CPOX: variants seen among roughly 807,000 people sequenced by gnomAD.
The protein encoded by CPOX is oxygen-dependent coproporphyrinogen-III oxidase, mitochondrial.
In CPOX, 24 loss-of-function variants were observed where a neutral mutation model predicts 48.9. The ratio of observed to expected loss-of-function variants is 0.49; its 90% confidence interval spans 0.36 to 0.69. The LOEUF (loss-of-function observed/expected upper bound fraction) is 0.69. Ranked by LOEUF, CPOX falls within the 30% of genes least tolerant of loss-of-function variation. CPOX has a pLI of 0.00. For missense variants in CPOX, 549 were observed against 597.3 expected, an observed-to-expected ratio of 0.92 and a Z score of 0.84; for synonymous variants, 249 against 234.6, an observed-to-expected ratio of 1.06 and a Z score of -0.56.
downstream of CPOX, among the ~76,000 whole-genome samples, chr3:98,575,034 G>T (rs1264603172): frequency 6.6e-6 from 1 of 152,182 alleles, no homozygotes; most frequent in East Asian, 1.9e-4. Flanking sequence ...GATTCTAAAA[G>T]CCTGTCTCCC....
chr3:98,572,876 A>C, the CPOX span, among the ~76,000 whole-genome samples: 7 of 152,318 alleles, frequency 4.6e-5, no homozygotes, highest in Admixed American at 2.0e-4. Flanking sequence ...TTGAATAAGC[A>C]ATTTTTCAAT....
chr3:98,581,032 C>A (rs1707249174), intron 6 of CPOX, among the ~76,000 whole-genome samples: 1 of 152,054 alleles, frequency 6.6e-6, no homozygotes, highest in Non-Finnish European at 1.5e-5. Flanking sequence ...TTAATATAAA[C>A]CAGGGTTTCA....
intron 5 of CPOX, 125 bp downstream of exon 5, chr3:98,585,315 AT>A (rs1405374692): frequency 1.2e-6 from 1 of 804,252 alleles, no homozygotes; most frequent in East Asian, 2.4e-5. Flanking sequence ...TTCACTTAAT[AT>A]TCATCTATGA....
downstream of CPOX, among the ~76,000 whole-genome samples, chr3:98,576,212 G>A (rs1052398773): frequency 2.0e-5 from 3 of 152,006 alleles, no homozygotes; most frequent in African/African-American, 7.3e-5. Flanking sequence ...TCATAGTTCA[G>A]CATGGCTGGG....
chr3:98,570,886 T>C, the CPOX span, among the ~76,000 whole-genome samples: 1 of 152,228 alleles, frequency 6.6e-6, no homozygotes, highest in African/African-American at 2.4e-5. Context: ...TTTTATCACT[T>C]ATGTGTATCT....
intron 5 of CPOX, among the ~76,000 whole-genome samples, chr3:98,582,848 G>A (rs1707286599): frequency 6.6e-6 from 1 of 152,156 alleles, no homozygotes; most frequent in Admixed American, 6.5e-5. Context: ...CAAAAGCCCT[G>A]CAAAAGTGTA....
intron 1 of CPOX, among the ~76,000 whole-genome samples, 154 bp downstream of exon 1, chr3:98,592,795 T>C (rs1405693167): frequency 6.6e-6 from 1 of 152,156 alleles, no homozygotes; most frequent in African/African-American, 2.4e-5. Context: ...TTCGTGTCCA[T>C]CTTTTTATCA....
chr3:98,578,002 A>G (rs1707187525), downstream of CPOX, among the ~76,000 whole-genome samples: 1 of 152,178 alleles, frequency 6.6e-6, no homozygotes, highest in South Asian at 2.1e-4. Flanking sequence ...TGATGAACAG[A>G]AAATAGTGGT....
In CPOX at chr3:98,580,776, C is replaced by A. The variant is rs1304794253; in HGVS notation, c.1278-6G>T. 6.8e-6 allele frequency: 11 copies of A among 1,613,392 alleles called. No homozygotes were observed. The highest frequency in any genetic ancestry group is 2.7e-5 in the African/African-American group (2 of 74,798). ...GTGAATGCATGTACTCCCATCTATG[C>A]ATGTCCAAAACAAAAGCAAAAAACG... On this transcript the variant is annotated splice_region_variant and splice_polypyrimidine_tract_variant and intron_variant, in intron 6 of 6. Transcript: ENST00000647941.
rs1559679227 is a variant in CPOX, at chr3:98,591,046, CATTTG to C, written c.661_665del (p.Gln221GlufsTer10). The C allele has an allele frequency of 1.9e-6, 3 of 1,614,158 alleles. No individual in the cohort carries two copies. Among genetic ancestry groups the C allele is most frequent in the Non-Finnish European group, 2.5e-6 (3 of 1,180,016 alleles). ...TCTTCAGAACTTTTCCTCTGCTTCT[CATTTG>C]TTTTGCAGCTTCCTCTGAAAGATTT... On this transcript the variant is annotated frameshift_variant, in exon 2 of 7. Coordinates refer to ENST00000647941, the MANE Select transcript of CPOX (RefSeq NM_000097.7). LOFTEE classifies it high-confidence loss of function.
intron 5 of CPOX, among the ~76,000 whole-genome samples, chr3:98,585,013 C>T (rs928307758): frequency 3.9e-5 from 6 of 152,048 alleles, no homozygotes; most frequent in African/African-American, 1.4e-4. Context: ...ATACAAAATG[C>T]CTAATGTAGA....
At position 98,580,372 on chromosome 3, in the gene CPOX, G is replaced by C; in HGVS notation, c.*311C>G. 1 of 1,034,698 alleles carries C rather than the reference G, an allele frequency of 9.7e-7. No individual in the cohort carries two copies. The highest frequency in any genetic ancestry group is 1.2e-6 in the Non-Finnish European group (1 of 859,656). The allele number at this position is 1,034,698 out of a possible 1,614,324, so 64.1% of individuals were successfully genotyped here. On this transcript the variant is annotated 3_prime_UTR_variant, in exon 7 of 7. Transcript: ENST00000647941. ...ACAAAAACAAGATGAGAGATTTCCT[G>C]ATACATATAATACTATTTATATTCC...
At chr3:98,574,314 C>T in the CPOX span, among the ~76,000 whole-genome samples, 3 of 152,180 alleles carry the variant, frequency 2.0e-5, no homozygotes, top group Admixed American at 1.3e-4. Context: ...GGCACAGCAA[C>T]GATGGCTTGT....
intron 1 of CPOX, 52 bp from the exon 2 acceptor site, chr3:98,591,207 G>C (rs1008380716): frequency 2.5e-6 from 4 of 1,593,226 alleles, no homozygotes; most frequent in African/African-American, 2.7e-5. Flanking sequence ...GTGCAAAACT[G>C]AAAGCAACAC....
At chr3:98,582,498 CT>C (rs1172651014) in intron 5 of CPOX, among the ~76,000 whole-genome samples, 102 of 144,126 alleles carry the variant, frequency 7.1e-4, no homozygotes, top group Admixed American at 7.6e-4. Context: ...TTTTTCTTTT[CT>C]TTTTTTTTTT....
Position 98,580,228 on chromosome 3 carries a change from A to G in CPOX, c.*455T>C, listed in dbSNP as rs1707227853. The G allele has an allele frequency of 2.0e-6, 2 of 993,994 alleles. No homozygotes were observed. The highest frequency in any genetic ancestry group is 3.5e-5 in the African/African-American group (2 of 57,242). 61.6% of individuals were successfully genotyped at this position (993,994 alleles called of 1,614,324 possible). A position where few individuals can be genotyped will look rare whatever the true frequency, so the allele number is the denominator to read the frequency against. ...TCAGTATTGACAAAGTAAAATTTTT[A>G]CCTTCAAGTTGCATTCTAAAATTAC... On this transcript the variant is annotated 3_prime_UTR_variant, in exon 7 of 7. Coordinates refer to ENST00000647941, the MANE Select transcript of CPOX (RefSeq NM_000097.7).
rs548747347 is a variant in CPOX, at chr3:98,585,933, T to C, written c.954-274A>G. The C allele has an allele frequency of 3.1e-3, 1,172 of 378,818 alleles. 16 individuals carry two copies. The highest frequency in any genetic ancestry group is 0.023 in the African/African-American group (1,076 of 47,562). The allele number at this position is 378,818 out of a possible 1,614,324, so 23.5% of individuals were successfully genotyped here. A position where few individuals can be genotyped will look rare whatever the true frequency, so the allele number is the denominator to read the frequency against. ...TGTCCCCCACGCTGGAGTGCAGTGGTGCGATCTTGAATCACTGCAAGCTCC... is the reference window on the plus strand; with the variant it reads ...TGTCCCCCACGCTGGAGTGCAGTGGCGCGATCTTGAATCACTGCAAGCTCC... On this transcript the variant is annotated intron_variant, in intron 4 of 6. Transcript: ENST00000647941.
At chr3:98,570,530 T>C in the CPOX span, among the ~76,000 whole-genome samples, 1 of 152,198 alleles carries the variant, frequency 6.6e-6, no homozygotes, top group Admixed American at 6.5e-5. Context: ...CCACAAAGCA[T>C]ACACACTAAT....
chr3:98,572,773 G>T, the CPOX span, among the ~76,000 whole-genome samples: 2 of 152,104 alleles, frequency 1.3e-5, no homozygotes, highest in South Asian at 4.1e-4. Context: ...AAGCTTTATG[G>T]TCATTATATT....
Sources: allele counts gnomAD v4.1 joint callset (sites outside exome capture counted in the v4.1 genomes callset), GRCh38; gene constraint gnomAD v4.1.1; transcripts MANE v1.5; gene names NCBI Gene and HGNC (gene_info 2026-07-23, HGNC 2026-07-21).